The following GALNT17 variants were observed in gnomAD, a reference collection of about 807,000 sequenced individuals.
GALNT17 encodes the protein UDP-GalNAc:polypeptide N-acetylgalactosaminyltransferase-like 3.
In GALNT17, 29 loss-of-function variants were observed where a neutral mutation model predicts 63.7. The observed-to-expected ratio is 0.46, with a 90% CI of 0.34 to 0.62. GALNT17 has a LOEUF of 0.62. GALNT17 is among the 20% of genes least tolerant of loss of function. The probability of loss-of-function intolerance (pLI) is 0.01; values close to 1 mark genes in which losing one functional copy is unlikely to be tolerated. For synonymous variants in GALNT17, 305 were observed against 318.3 expected, an observed-to-expected ratio of 0.96 and a Z score of 0.45; for missense variants, 603 against 799.6, an observed-to-expected ratio of 0.75 and a Z score of 2.97.
At chr7:71,488,427 C>G (rs1467198970) in intron 5 of GALNT17, among the ~76,000 whole-genome samples, 1 of 152,026 alleles carries the variant, frequency 6.6e-6, no homozygotes, top group Non-Finnish European at 1.5e-5. Flanking sequence ...GCACAGTGAG[C>G]AGAATGGGAC....
intron 1 of GALNT17, among the ~76,000 whole-genome samples, chr7:71,169,249 A>T (rs565653967): frequency 6.6e-6 from 1 of 152,028 alleles, no homozygotes; most frequent in East Asian, 1.9e-4. Flanking sequence ...TCTCCTTGCA[A>T]TCCTCATCTC....
chr7:71,334,367 A>G (rs1159193522), intron 1 of GALNT17, among the ~76,000 whole-genome samples: 1 of 152,048 alleles, frequency 6.6e-6, no homozygotes, highest in Non-Finnish European at 1.5e-5. Flanking sequence ...CAGGCTGTGA[A>G]AGCCAAGGAG....
intron 1 of GALNT17, among the ~76,000 whole-genome samples, chr7:71,292,339 G>A (rs1444375519): frequency 6.6e-6 from 1 of 152,122 alleles, no homozygotes; most frequent in Non-Finnish European, 1.5e-5. Context: ...TAAGTGCTGG[G>A]CTGCAAAAGT....
At chr7:71,464,059 A>G (rs1383330942) in intron 5 of GALNT17, among the ~76,000 whole-genome samples, 2 of 152,132 alleles carry the variant, frequency 1.3e-5, no homozygotes, top group African/African-American at 4.8e-5. Flanking sequence ...TGCCTCTGAC[A>G]CTTAATTATA....
intron 6 of GALNT17, among the ~76,000 whole-genome samples, chr7:71,595,660 G>GACACACACACACACACAC (rs61389262): frequency 7.0e-6 from 1 of 142,694 alleles, no homozygotes; most frequent in African/African-American, 2.6e-5. Flanking sequence ...GAGAGACTGA[G>GACACACACACACACACAC]ACACACACAC....
intron 1 of GALNT17, among the ~76,000 whole-genome samples, chr7:71,316,886 CT>C (rs368702507): frequency 2.0e-5 from 3 of 152,294 alleles, no homozygotes; most frequent in African/African-American, 7.2e-5. Context: ...GGTTCCAGAG[CT>C]TTTCCCACCA....
At chr7:71,711,635 C>T (rs997169845) in intron 10 of GALNT17, among the ~76,000 whole-genome samples, 1 of 151,116 alleles carries the variant, frequency 6.6e-6, no homozygotes, top group African/African-American at 2.4e-5. Context: ...CCTCTCCTCT[C>T]TTCTCTTTTT....
At chr7:71,453,046 C>T (rs557221999) in intron 5 of GALNT17, among the ~76,000 whole-genome samples, 16 of 152,220 alleles carry the variant, frequency 1.1e-4, no homozygotes, top group African/African-American at 3.1e-4. Context: ...AGTCCCAGAC[C>T]GGAAACTCCA....
At chr7:71,320,561 T>C (rs1040904598) in intron 1 of GALNT17, among the ~76,000 whole-genome samples, 1 of 152,142 alleles carries the variant, frequency 6.6e-6, no homozygotes, top group Admixed American at 6.5e-5. Context: ...TCAGATAAGT[T>C]CTTAAAGGAA....
intron 1 of GALNT17, among the ~76,000 whole-genome samples, chr7:71,216,761 CAG>C (rs541246338): frequency 3.3e-5 from 5 of 151,910 alleles, no homozygotes; most frequent in East Asian, 1.9e-4. Flanking sequence ...CATATATACA[CAG>C]AGACACACAA....
At chr7:71,662,806 T>G (rs1188813430) in intron 6 of GALNT17, among the ~76,000 whole-genome samples, 1 of 152,222 alleles carries the variant, frequency 6.6e-6, no homozygotes, top group Non-Finnish European at 1.5e-5. Context: ...GGTCATGAAT[T>G]TTTACTCTTA....
rs142496001 is a variant in GALNT17 at position 71,262,106 on chromosome 7, C to G, written c.239-73444C>G. Reference sequence around the variant, plus strand: ...GCCCTGTTGGTTTCTTCTTTTAAATCTTAATTGATTTTTATTTTTTTTGTA... The same window carrying G: ...GCCCTGTTGGTTTCTTCTTTTAAATGTTAATTGATTTTTATTTTTTTTGTA... On this transcript the variant is annotated intron_variant, in intron 1 of 10. Transcript: ENST00000333538. Among the ~76,000 whole-genome samples, 21 of 152,094 alleles carry G rather than the reference C, an allele frequency of 1.4e-4. 1 individual carries two copies. In the East Asian group the frequency reaches 4.1e-3, roughly 29 times the overall value.
intron 2 of GALNT17, among the ~76,000 whole-genome samples, chr7:71,368,578 C>G (rs1284982920): frequency 2.0e-5 from 3 of 152,144 alleles, no homozygotes; most frequent in Non-Finnish European, 4.4e-5. Flanking sequence ...GCAGGATGAA[C>G]AAACGTCTCT....
chr7:71,451,513 AC>A (rs1459483794), intron 5 of GALNT17, among the ~76,000 whole-genome samples: 4 of 152,072 alleles, frequency 2.6e-5, no homozygotes, highest in Non-Finnish European at 4.4e-5. Flanking sequence ...CTTTCGACGA[AC>A]TAACTCCTTA....
At chr7:71,350,567 T>C (rs1792172841) in intron 2 of GALNT17, among the ~76,000 whole-genome samples, 1 of 152,182 alleles carries the variant, frequency 6.6e-6, no homozygotes, top group Admixed American at 6.5e-5. Flanking sequence ...CACTACAGTA[T>C]AATGACTATT....
intron 1 of GALNT17, among the ~76,000 whole-genome samples, chr7:71,157,283 C>T (rs542007903): frequency 3.3e-5 from 5 of 152,002 alleles, no homozygotes; most frequent in East Asian, 1.9e-4. Flanking sequence ...GCTGTTGTGA[C>T]GATTAAATTA....
chr7:71,535,697 G>A (rs1055826750), intron 5 of GALNT17, among the ~76,000 whole-genome samples: 1 of 152,112 alleles, frequency 6.6e-6, no homozygotes, highest in African/African-American at 2.4e-5. Context: ...TCTGGAGTTT[G>A]CATCAAACAT....
chr7:71,273,839 A>ATGTGTG lies in GALNT17; in HGVS notation c.239-61700_239-61695dup, dbSNP rs151111481. Among the ~76,000 whole-genome samples, 23 of 150,382 alleles carry ATGTGTG rather than the reference A, an allele frequency of 1.5e-4. 1 individual carries two copies. In the South Asian group the frequency reaches 4.0e-3, roughly 26 times the overall value. ...CCAAAAATTTTTCTCTAATGAGATA[A>ATGTGTG]TGTGTGTGTGTGTGTGAGAGAGAGA... On this transcript the variant is annotated intron_variant, in intron 1 of 10. Transcript: ENST00000333538.
At chr7:71,591,603 T>C (rs1273629592) in intron 6 of GALNT17, among the ~76,000 whole-genome samples, 1 of 152,230 alleles carries the variant, frequency 6.6e-6, no homozygotes, top group Non-Finnish European at 1.5e-5. Context: ...GTTTCCCATC[T>C]TTTGGCTCAT....
Sources: allele counts gnomAD v4.1 joint callset (sites outside exome capture counted in the v4.1 genomes callset), GRCh38; gene constraint gnomAD v4.1.1; transcripts MANE v1.5; gene names NCBI Gene and HGNC (gene_info 2026-07-23, HGNC 2026-07-21).